The following RPS6KC1 variants were observed in gnomAD, a reference collection of about 807,000 sequenced individuals.
RPS6KC1 encodes ribosomal protein S6 kinase C1.
Under a neutral mutation model 103.8 loss-of-function variants are expected in RPS6KC1, and 54 were observed. The ratio of observed to expected loss-of-function variants is 0.52; its 90% CI spans 0.42 to 0.65. The LOEUF is 0.65. Ranked by LOEUF, RPS6KC1 falls within the 30% of genes least tolerant of loss-of-function variation. The probability of loss-of-function intolerance (pLI) is 0.00; values close to 1 mark genes in which losing one functional copy is unlikely to be tolerated. For missense variants in RPS6KC1, 1,151 were observed against 1,253.8 expected (o/e 0.92, Z 1.24); for synonymous variants, 439 against 438.7 (o/e 1.00, Z -0.01).
chr1:213,390,701 T>A, the RPS6KC1 span, among the ~76,000 whole-genome samples: 3 of 152,158 alleles, frequency 2.0e-5, no homozygotes, highest in East Asian at 5.8e-4. Flanking sequence ...GGGCTGAAAT[T>A]TTCTCGACAC....
chr1:213,604,171 C>T, the RPS6KC1 span, among the ~76,000 whole-genome samples: 2 of 152,174 alleles, frequency 1.3e-5, no homozygotes, highest in African/African-American at 2.4e-5. Flanking sequence ...GTTATATATC[C>T]TTCCAGGCAT....
chr1:213,412,977 C>G, the RPS6KC1 span, among the ~76,000 whole-genome samples: 28 of 152,196 alleles, frequency 1.8e-4, no homozygotes, highest in African/African-American at 6.8e-4. Flanking sequence ...ATAATCTTTT[C>G]CTCTTAACTA....
chr1:213,152,486 G>T (rs1272180470), intron 6 of RPS6KC1, among the ~76,000 whole-genome samples: 138 of 151,740 alleles, frequency 9.1e-4, no homozygotes, highest in South Asian at 1.7e-3. Context: ...TCCCAGACGG[G>T]GTGGCTGCCG....
At chr1:213,444,290 G>C in the RPS6KC1 span, among the ~76,000 whole-genome samples, 13 of 152,088 alleles carry the variant, frequency 8.5e-5, no homozygotes, top group Non-Finnish European at 5.9e-5. Flanking sequence ...ACGTTCACTC[G>C]TGCTAGGGGT....
chr1:213,390,939 T>C, the RPS6KC1 span, among the ~76,000 whole-genome samples: 1 of 152,116 alleles, frequency 6.6e-6, no homozygotes, highest in Non-Finnish European at 1.5e-5. Context: ...AACAACTGGA[T>C]ACAGAGGAAA....
chr1:213,203,117 G>C (rs946525723), intron 8 of RPS6KC1, among the ~76,000 whole-genome samples: 1 of 152,122 alleles, frequency 6.6e-6, no homozygotes, highest in Non-Finnish European at 1.5e-5. Context: ...AGTACAGATT[G>C]AGTTTCCTTT....
the RPS6KC1 span, among the ~76,000 whole-genome samples, chr1:213,852,614 T>C: frequency 1.3e-5 from 2 of 152,220 alleles, no homozygotes; most frequent in African/African-American, 2.4e-5. Context: ...ATTTCCTCAA[T>C]TCTTTATCCA....
the RPS6KC1 span, among the ~76,000 whole-genome samples, chr1:213,714,523 T>A: frequency 7.0e-6 from 1 of 142,096 alleles, no homozygotes; most frequent in Non-Finnish European, 1.5e-5. Context: ...TTCTGACCTT[T>A]CTCTGTCCTG....
intron 12 of RPS6KC1, among the ~76,000 whole-genome samples, chr1:213,254,178 T>C (rs544601638): frequency 6.6e-6 from 1 of 152,326 alleles, no homozygotes; most frequent in East Asian, 1.9e-4. Context: ...TTTGAATCAT[T>C]AGTATTAATC....
At chr1:213,678,789 T>A in the RPS6KC1 span, among the ~76,000 whole-genome samples, 2 of 152,304 alleles carry the variant, frequency 1.3e-5, no homozygotes, top group Admixed American at 1.3e-4. Context: ...ATTTAATCTT[T>A]ACTTGGGAGT....
chr1:213,652,728 C>A, the RPS6KC1 span, among the ~76,000 whole-genome samples: 2 of 152,162 alleles, frequency 1.3e-5, no homozygotes, highest in African/African-American at 4.8e-5. Flanking sequence ...AACTGAGGTA[C>A]CCCAGCCAGG....
intron 2 of RPS6KC1, among the ~76,000 whole-genome samples, chr1:213,075,795 T>C (rs2079281387): frequency 6.6e-6 from 1 of 152,246 alleles, no homozygotes; most frequent in Non-Finnish European, 1.5e-5. Flanking sequence ...TAGTAATACA[T>C]ACTTAGCATC....
At chr1:213,547,263 T>G in the RPS6KC1 span, among the ~76,000 whole-genome samples, 1 of 152,196 alleles carries the variant, frequency 6.6e-6, no homozygotes, top group East Asian at 1.9e-4. Context: ...TACATGTGAG[T>G]CTGACTTTGA....
At chr1:213,355,477 A>G in the RPS6KC1 span, among the ~76,000 whole-genome samples, 1 of 152,084 alleles carries the variant, frequency 6.6e-6, no homozygotes. Context: ...AGTGTTTGCA[A>G]TCTGATATTC....
At chr1:213,297,421 C>A in the RPS6KC1 span, among the ~76,000 whole-genome samples, 1 of 152,166 alleles carries the variant, frequency 6.6e-6, no homozygotes, top group Non-Finnish European at 1.5e-5. Context: ...ACACAAATGT[C>A]CACTGTGACT....
chr1:213,292,293 A>C, the RPS6KC1 span, among the ~76,000 whole-genome samples: 2 of 152,226 alleles, frequency 1.3e-5, no homozygotes, highest in Admixed American at 1.3e-4. Flanking sequence ...ACAAAACAAA[A>C]AAAACATGTT....
At chr1:213,510,463 A>G in the RPS6KC1 span, among the ~76,000 whole-genome samples, 15 of 152,186 alleles carry the variant, frequency 9.9e-5, no homozygotes, top group South Asian at 3.1e-3. Context: ...TATACCCCCT[A>G]ACTTCATATT....
At chr1:213,728,241 C>G in the RPS6KC1 span, among the ~76,000 whole-genome samples, 1 of 152,304 alleles carries the variant, frequency 6.6e-6, no homozygotes, top group Admixed American at 6.5e-5. Flanking sequence ...AGGAAATTAT[C>G]TGAGGGGCTA....
rs145806127 is a variant in RPS6KC1, at chr1:213,192,151, T to C, written c.1044+15659T>C. ...ATTTTCAGCATCAGTTGAAATGATA[T>C]GGGTTTTGTCTTTCATTCTGTTGGT... On this transcript the variant is annotated intron_variant, in intron 8 of 14. Transcript: ENST00000366960. Among the ~76,000 whole-genome samples the C allele has an allele frequency of 2.0e-5, 3 of 152,326 alleles. No homozygotes were observed. In the East Asian group the frequency reaches 5.8e-4, roughly 29 times the overall value.
Sources: allele counts gnomAD v4.1 joint callset (sites outside exome capture counted in the v4.1 genomes callset), GRCh38; gene constraint gnomAD v4.1.1; transcripts MANE v1.5; gene names NCBI Gene and HGNC (gene_info 2026-07-23, HGNC 2026-07-21).